The following ADAM18 variants were observed in gnomAD, a reference collection of about 807,000 sequenced individuals.
ADAM18 encodes the protein ADAM metallopeptidase domain 18, also known as disintegrin and metalloproteinase domain-containing protein 18.
In ADAM18, 117 loss-of-function variants were observed where a neutral mutation model predicts 94.4. The observed-to-expected ratio is 1.24, with a 90% confidence interval of 1.07 to 1.45. The LOEUF (loss-of-function observed/expected upper bound fraction) is 1.45. ADAM18 is among the 40% of genes most tolerant of loss of function. The pLI is 0.00. For missense variants in ADAM18, 936 were observed against 880.0 expected, an observed-to-expected ratio of 1.06 and a Z score of -0.81; for synonymous variants, 327 against 291.6, an observed-to-expected ratio of 1.12 and a Z score of -1.24.
At chr8:39,586,550 G>A (rs1004760050) in intron 2 of ADAM18, among the ~76,000 whole-genome samples, 2 of 152,104 alleles carry the variant, frequency 1.3e-5, no homozygotes, top group Non-Finnish European at 2.9e-5. Context: ...TGGGCAAGTT[G>A]GTGAGACCCC....
chr8:39,641,545 A>G (rs1820236715), intron 10 of ADAM18, among the ~76,000 whole-genome samples: 1 of 151,696 alleles, frequency 6.6e-6, no homozygotes, highest in African/African-American at 2.4e-5. Context: ...CTAGGTGTCC[A>G]TGTGTTCTAG....
At chr8:39,674,446 CTGCTTTTTTTTGCTTTCCATTTGCT>C (rs1258757617) in intron 14 of ADAM18, among the ~76,000 whole-genome samples, 1 of 152,088 alleles carries the variant, frequency 6.6e-6, no homozygotes, top group Non-Finnish European at 1.5e-5. Flanking sequence ...ATTGCAACCC[CTGCTTTTTTTTGCTTTCCATTTGCT>C]TGGTAGATCG....
At chr8:39,729,832 A>T in intron 19 of ADAM18, 66 bp from the exon 20 acceptor site, 1 of 1,331,992 alleles carries the variant, frequency 7.5e-7, no homozygotes, top group Non-Finnish European at 1.1e-6. Context: ...TATGGTTTAA[A>T]ATAGGCAATT....
chr8:39,611,463 T>G, intron 6 of ADAM18: 1 of 985,156 alleles, frequency 1.0e-6, no homozygotes. Flanking sequence ...CAACTATCTG[T>G]ATGGTTCCTA....
chr8:39,608,917 T>G lies in ADAM18; in HGVS notation c.189-125T>G. On this transcript the variant is annotated intron_variant, in intron 3 of 19. Coordinates refer to ENST00000265707, the MANE Select transcript of ADAM18 (RefSeq NM_014237.3). The stretch of plus-strand genomic sequence containing the variant: ...AACTGTTATGCCTCACTAAAATCAC[T>G]CAATTAAATCATGCCATTATATAAA... 6.4e-6 allele frequency: 4 copies of G among 629,170 alleles called. No individual in the cohort carries two copies. In the South Asian group the frequency reaches 8.3e-5, roughly 13 times the overall value. The allele number at this position is 629,170 out of a possible 1,614,324, so 39.0% of individuals were successfully genotyped here.
intron 6 of ADAM18, among the ~76,000 whole-genome samples, chr8:39,621,954 A>C (rs1173383116): frequency 1.3e-5 from 2 of 152,194 alleles, no homozygotes; most frequent in African/African-American, 4.8e-5. Context: ...GAAGAGGATC[A>C]GGAAGAAAAG....
intron 6 of ADAM18, among the ~76,000 whole-genome samples, chr8:39,616,946 CA>C (rs1819460166): frequency 6.6e-6 from 1 of 152,094 alleles, no homozygotes; most frequent in South Asian, 2.1e-4. Flanking sequence ...TCACTCTGAA[CA>C]TAGGCCGTAG....
chr8:39,699,566 T>A (rs1179073261), intron 17 of ADAM18, among the ~76,000 whole-genome samples: 1 of 152,168 alleles, frequency 6.6e-6, no homozygotes, highest in African/African-American at 2.4e-5. Context: ...TTAAATATTC[T>A]GTGTGTAGAA....
intron 13 of ADAM18, 71 bp downstream of exon 13, chr8:39,663,961 T>C (rs1820923011): frequency 8.2e-6 from 8 of 978,402 alleles, no homozygotes; most frequent in Admixed American, 2.5e-5. Flanking sequence ...TGAATCAATG[T>C]GCAATTAATA....
At chr8:39,637,443 C>T (rs544054266) in intron 8 of ADAM18, 94 bp from the exon 9 acceptor site, 33 of 1,393,824 alleles carry the variant, frequency 2.4e-5, no homozygotes, top group Non-Finnish European at 2.7e-5. Context: ...TAGTTTAATA[C>T]TGAAAATACT....
chr8:39,619,643 T>C (rs1257969260), intron 6 of ADAM18, among the ~76,000 whole-genome samples: 3 of 152,036 alleles, frequency 2.0e-5, no homozygotes, highest in African/African-American at 7.2e-5. Flanking sequence ...CCATTTATAA[T>C]ACCTACAAAA....
In ADAM18 at chr8:39,680,118, A is replaced by T; in HGVS notation, c.1713A>T (p.Ser571=). 6.2e-7 allele frequency: 1 copy of T among 1,613,900 alleles called. No homozygotes were observed. The highest frequency in any genetic ancestry group is 8.5e-7 in the Non-Finnish European group (1 of 1,179,874). ...GTGACGCTCAATCTACAGTTTATTC[A>T]TATATTCAAGACCATGTATGTGTAT... is the stretch of plus-strand genomic sequence containing the variant. ...NKSDAQSTVY[S]YIQDHVCVSI... is the part of the protein sequence containing the mutation. The change falls in exon 16 of 20, where the codon TCA becomes TCT. Residue 571 remains serine, a synonymous_variant. Transcript: ENST00000265707.
intron 2 of ADAM18, among the ~76,000 whole-genome samples, chr8:39,599,196 T>G (rs1818832279): frequency 6.6e-6 from 1 of 152,232 alleles, no homozygotes; most frequent in African/African-American, 2.4e-5. Flanking sequence ...TTACATGAAT[T>G]GATTTTCAAG....
intron 14 of ADAM18, among the ~76,000 whole-genome samples, chr8:39,676,332 C>T (rs936056627): frequency 8.5e-5 from 13 of 152,220 alleles, no homozygotes; most frequent in Non-Finnish European, 1.9e-4. Flanking sequence ...ACTTTGTTTA[C>T]CTACTCAAGC....
intron 3 of ADAM18, 39 bp downstream of exon 3, chr8:39,606,401 GC>G: frequency 7.4e-7 from 1 of 1,356,022 alleles, no homozygotes; most frequent in Non-Finnish European, 1.0e-6. Flanking sequence ...AAAAGGGAAA[GC>G]TTTAAGTTTA....
At chr8:39,667,644 C>G (rs1379882890) in intron 13 of ADAM18, among the ~76,000 whole-genome samples, 2 of 152,122 alleles carry the variant, frequency 1.3e-5, no homozygotes, top group African/African-American at 4.8e-5. Context: ...AAGTCTGGCT[C>G]CTGAGTTTCT....
intron 17 of ADAM18, among the ~76,000 whole-genome samples, chr8:39,700,902 C>A (rs1822050594): frequency 6.6e-6 from 1 of 151,216 alleles, no homozygotes; most frequent in Admixed American, 6.6e-5. Context: ...ATCACGAGGT[C>A]AGGAGATCGA....
At chr8:39,700,351 T>C (rs998107889) in intron 17 of ADAM18, among the ~76,000 whole-genome samples, 1 of 152,184 alleles carries the variant, frequency 6.6e-6, no homozygotes, top group East Asian at 1.9e-4. Flanking sequence ...TTCAGAATTT[T>C]ATAGAGCTTA....
chr8:39,718,377 C>G (rs1822639739), intron 18 of ADAM18, among the ~76,000 whole-genome samples: 1 of 151,454 alleles, frequency 6.6e-6, no homozygotes, highest in Non-Finnish European at 1.5e-5. Context: ...GACTACTCAG[C>G]CTTTAAAATG....
Sources: gnomAD v4.1 joint callset for allele counts (sites outside exome capture counted in the v4.1 genomes callset) on GRCh38, gnomAD v4.1.1 for gene constraint, MANE v1.5 for transcripts, NCBI Gene and HGNC (gene_info 2026-07-23, HGNC 2026-07-21) for gene names.